Variants in MARCHF1 observed in about 807,000 individuals in gnomAD.
MARCHF1 encodes E3 ubiquitin-protein ligase MARCHF1.
Under a neutral mutation model 54.2 loss-of-function variants are expected in MARCHF1, and 40 were observed. The observed-to-expected ratio is 0.74, with a 90% CI of 0.57 to 0.96. The LOEUF (loss-of-function observed/expected upper bound fraction) is 0.96. Among genes scored for constraint, MARCHF1 ranks in the 40% least tolerant of loss-of-function variants. The probability of loss-of-function intolerance (pLI) is 0.00; values close to 1 mark genes in which losing one functional copy is unlikely to be tolerated. For missense variants in MARCHF1, 586 were observed against 656.5 expected, an observed-to-expected ratio of 0.89 and a Z score of 1.17; for synonymous variants, 236 against 236.3, an observed-to-expected ratio of 1.00 and a Z score of 0.01.
chr4:164,357,347 C>A (rs1730588210), intron 1 of MARCHF1, among the ~76,000 whole-genome samples: 1 of 152,074 alleles, frequency 6.6e-6, no homozygotes, highest in Non-Finnish European at 1.5e-5. Flanking sequence ...CAAAGCTCAT[C>A]ACTTCATTGT....
chr4:164,320,293 G>C, intron 1 of MARCHF1, among the ~76,000 whole-genome samples: 1 of 152,130 alleles, frequency 6.6e-6, no homozygotes, highest in East Asian at 1.9e-4. Context: ...AAAATCCTCT[G>C]CCAGGTGATG....
intron 5 of MARCHF1, among the ~76,000 whole-genome samples, chr4:163,628,577 G>T (rs1036339146): frequency 4.6e-5 from 7 of 152,140 alleles, no homozygotes; most frequent in Non-Finnish European, 1.0e-4. Flanking sequence ...GAAATAAAGG[G>T]TATTCAAACA....
At chr4:163,765,038 G>A (rs1026601713) in intron 4 of MARCHF1, among the ~76,000 whole-genome samples, 8 of 152,020 alleles carry the variant, frequency 5.3e-5, no homozygotes, top group African/African-American at 1.9e-4. Context: ...TACCTGGATG[G>A]TGGAAATATT....
chr4:164,032,218 G>A (rs184299965), intron 2 of MARCHF1, among the ~76,000 whole-genome samples: 5 of 151,588 alleles, frequency 3.3e-5, no homozygotes, highest in African/African-American at 9.7e-5. Flanking sequence ...TTGATTCTTC[G>A]CTCTTTTCTC....
chr4:163,950,619 T>C lies in MARCHF1; in HGVS notation c.-39+37882A>G, dbSNP rs372304253. ...GCTTCTTCCTGTTCCCAGCTCCCGC[T>C]GGCTCCGTGGGGCATACAGCCCCAT... On this transcript the variant is annotated intron_variant, in intron 3 of 9. Coordinates refer to ENST00000514618, the MANE Select transcript of MARCHF1 (RefSeq NM_001394959.1). 2.4e-4 allele frequency among the ~76,000 whole-genome samples: 36 copies of C among 152,304 alleles called. 1 individual carries two copies. The East Asian group carries it at 3.5e-3, about 15-fold the overall frequency.
chr4:163,787,853 C>G (rs907991319), intron 4 of MARCHF1, among the ~76,000 whole-genome samples: 2 of 151,816 alleles, frequency 1.3e-5, no homozygotes, highest in Admixed American at 6.6e-5. Flanking sequence ...GAATGGATAA[C>G]AAAAACATGG....
chr4:164,161,200 G>C (rs1430967), intron 1 of MARCHF1, among the ~76,000 whole-genome samples: 1 of 151,818 alleles, frequency 6.6e-6, no homozygotes, highest in Admixed American at 6.6e-5. Flanking sequence ...CTCGTGATAG[G>C]GAGTGAGTTG....
intron 2 of MARCHF1, among the ~76,000 whole-genome samples, chr4:164,076,136 T>TAACAACAACAACAACAAC (rs57287504): frequency 1.3e-5 from 2 of 150,358 alleles, no homozygotes; most frequent in East Asian, 2.0e-4. Flanking sequence ...AATAATTTTC[T>TAACAACAACAACAACAAC]AACAACAACA....
At chr4:164,072,294 C>T (rs117743403) in intron 2 of MARCHF1, among the ~76,000 whole-genome samples, 1 of 152,286 alleles carries the variant, frequency 6.6e-6, no homozygotes, top group East Asian at 1.9e-4. Flanking sequence ...AATGTCTTCT[C>T]TAGAAACAAG....
At chr4:163,596,834 T>C (rs1740791453) in intron 7 of MARCHF1, among the ~76,000 whole-genome samples, 1 of 152,234 alleles carries the variant, frequency 6.6e-6, no homozygotes, top group Non-Finnish European at 1.5e-5. Flanking sequence ...AAAAGAATTG[T>C]AGTTTTGCCA....
In MARCHF1 at chr4:163,760,777, A is replaced by AT. The variant is rs1421333258; in HGVS notation, c.112-59915dup. On this transcript the variant is annotated intron_variant, in intron 4 of 9. Coordinates refer to ENST00000514618, the MANE Select transcript of MARCHF1 (RefSeq NM_001394959.1). ...GCGCTCTTATTTTATGGTGTGCCTA[A>AT]TTTTTTAAACTTCTCATTTACTAAT... 2.6e-5 allele frequency among the ~76,000 whole-genome samples: 4 copies of AT among 152,248 alleles called. No individual in the cohort carries two copies. The East Asian group carries it at 7.7e-4, about 29-fold the overall frequency.
chr4:164,103,311 C>T (rs1350644046), intron 2 of MARCHF1, among the ~76,000 whole-genome samples: 2 of 49,252 alleles, frequency 4.1e-5, no homozygotes, highest in East Asian at 2.6e-4. Flanking sequence ...ACAGAATATA[C>T]ATTTTTTTCA....
intron 3 of MARCHF1, among the ~76,000 whole-genome samples, chr4:163,872,220 T>C (rs1750183659): frequency 6.6e-6 from 1 of 152,246 alleles, no homozygotes; most frequent in South Asian, 2.1e-4. Flanking sequence ...GTTCTGGGGC[T>C]ATCTGAGCAT....
chr4:164,085,308 G>T (rs1755172630), intron 2 of MARCHF1, among the ~76,000 whole-genome samples: 1 of 151,630 alleles, frequency 6.6e-6, no homozygotes, highest in Admixed American at 6.6e-5. Context: ...AAAAATATTA[G>T]TTTTATGAGG....
At chr4:163,608,583 A>C (rs1464098160) in intron 7 of MARCHF1, among the ~76,000 whole-genome samples, 1 of 152,096 alleles carries the variant, frequency 6.6e-6, no homozygotes, top group Non-Finnish European at 1.5e-5. Flanking sequence ...TCAAAAAAGC[A>C]AATACTTTTC....
intron 8 of MARCHF1, among the ~76,000 whole-genome samples, chr4:163,567,199 G>A (rs983067564): frequency 6.6e-6 from 1 of 151,830 alleles, no homozygotes; most frequent in Non-Finnish European, 1.5e-5. Flanking sequence ...ATAAATAATA[G>A]GGCAGTAAGA....
intron 1 of MARCHF1, among the ~76,000 whole-genome samples, chr4:164,367,560 C>T (rs1468034813): frequency 6.6e-6 from 1 of 151,480 alleles, no homozygotes; most frequent in East Asian, 1.9e-4. Context: ...CTCCATATTC[C>T]TTTTCTTGAT....
At chr4:163,976,603 C>T (rs1373023886) in intron 3 of MARCHF1, among the ~76,000 whole-genome samples, 2 of 152,148 alleles carry the variant, frequency 1.3e-5, no homozygotes, top group Non-Finnish European at 2.9e-5. Flanking sequence ...TCAATGACGT[C>T]TGGTGATTTC....
intron 4 of MARCHF1, among the ~76,000 whole-genome samples, chr4:163,826,578 C>T (rs1262977757): frequency 2.0e-5 from 3 of 151,912 alleles, no homozygotes; most frequent in African/African-American, 7.2e-5. Flanking sequence ...CTGTATTAAG[C>T]CCTACAGACA....
Sources: allele counts gnomAD v4.1 joint callset (sites outside exome capture counted in the v4.1 genomes callset), GRCh38; gene constraint gnomAD v4.1.1; transcripts MANE v1.5; gene names NCBI Gene and HGNC (gene_info 2026-07-23, HGNC 2026-07-21).